Variants in CALCR observed in about 807,000 individuals in gnomAD.
CALCR encodes the protein calcitonin receptor.
A neutral mutation model predicts 59.5 loss-of-function variants in CALCR; 47 were observed. The ratio of observed to expected loss-of-function variants is 0.79; its 90% confidence interval spans 0.63 to 1.01. The LOEUF (loss-of-function observed/expected upper bound fraction) is 1.01, where lower values mean the gene tolerates loss of function less well. Ranked by LOEUF, CALCR falls within the 50% of genes least tolerant of loss-of-function variation. The pLI is 0.00. For missense variants in CALCR, 566 were observed against 597.1 expected, an observed-to-expected ratio of 0.95 and a Z score of 0.54; for synonymous variants, 213 against 211.3, an observed-to-expected ratio of 1.01 and a Z score of -0.07.
intron 2 of CALCR, among the ~76,000 whole-genome samples, chr7:93,504,218 T>C (rs1801379782): frequency 6.6e-6 from 1 of 152,188 alleles, no homozygotes; most frequent in South Asian, 2.1e-4. Context: ...ATTCTTATTG[T>C]TGTTTGGCTT....
At chr7:93,488,476 G>T (rs191986674) in intron 2 of CALCR, among the ~76,000 whole-genome samples, 2 of 148,916 alleles carry the variant, frequency 1.3e-5, no homozygotes, top group African/African-American at 2.5e-5. Flanking sequence ...TGAATAAAAA[G>T]TCAGGACCCA....
intron 2 of CALCR, among the ~76,000 whole-genome samples, chr7:93,514,819 A>G (rs890770151): frequency 6.6e-6 from 1 of 152,080 alleles, no homozygotes; most frequent in Non-Finnish European, 1.5e-5. Context: ...TATTATTCAG[A>G]GACAATAGCT....
intron 2 of CALCR, among the ~76,000 whole-genome samples, chr7:93,550,295 G>T (rs1230278620): frequency 1.3e-5 from 2 of 151,712 alleles, no homozygotes; most frequent in Non-Finnish European, 2.9e-5. Flanking sequence ...TTCGAGAGCA[G>T]CCTGGCCAAC....
intron 13 of CALCR, 101 bp downstream of exon 13, chr7:93,434,152 A>G: frequency 2.4e-6 from 2 of 830,286 alleles, no homozygotes; most frequent in East Asian, 2.4e-5. Context: ...TATGAGGTCA[A>G]CTGTAGAAGT....
intron 2 of CALCR, among the ~76,000 whole-genome samples, chr7:93,555,945 TA>T (rs1789594927): frequency 2.0e-5 from 3 of 152,018 alleles, no homozygotes; most frequent in Admixed American, 2.0e-4. Flanking sequence ...ATGAAAAGAG[TA>T]AAACTCTTCT....
chr7:93,449,345 G>A (rs1486844947), intron 8 of CALCR, among the ~76,000 whole-genome samples: 1 of 152,006 alleles, frequency 6.6e-6, no homozygotes. Flanking sequence ...TTTTAAGAGA[G>A]ACTGAATGAT....
At chr7:93,470,154 A>G (rs1800522022) in intron 6 of CALCR, among the ~76,000 whole-genome samples, 2 of 151,676 alleles carry the variant, frequency 1.3e-5, no homozygotes, top group Non-Finnish European at 1.5e-5. Context: ...TTAATAGCAC[A>G]TTTTACTCTT....
intron 2 of CALCR, among the ~76,000 whole-genome samples, chr7:93,560,575 T>C (rs1326039752): frequency 1.3e-5 from 2 of 152,110 alleles, no homozygotes; most frequent in African/African-American, 4.8e-5. Context: ...TACTATTTGT[T>C]CTAATACAAC....
chr7:93,492,198 G>T (rs1801095212), intron 2 of CALCR, among the ~76,000 whole-genome samples: 1 of 151,506 alleles, frequency 6.6e-6, no homozygotes, highest in African/African-American at 2.4e-5. Context: ...TGAACAATGA[G>T]AACACATGAA....
At chr7:93,522,297 T>C (rs1341158380) in intron 2 of CALCR, among the ~76,000 whole-genome samples, 1 of 152,166 alleles carries the variant, frequency 6.6e-6, no homozygotes, top group Non-Finnish European at 1.5e-5. Flanking sequence ...TGAAACTATT[T>C]CTCTTTTATA....
intron 8 of CALCR, among the ~76,000 whole-genome samples, chr7:93,453,508 C>G (rs1180376637): frequency 6.6e-6 from 1 of 151,898 alleles, no homozygotes; most frequent in African/African-American, 2.4e-5. Context: ...AGCAATGATC[C>G]AACATACCCT....
intron 5 of CALCR, among the ~76,000 whole-genome samples, chr7:93,473,726 T>C (rs530713395): frequency 5.9e-5 from 9 of 151,566 alleles, no homozygotes; most frequent in African/African-American, 2.2e-4. Context: ...CTAAAATATT[T>C]TGGAGGAAAA....
intron 2 of CALCR, among the ~76,000 whole-genome samples, chr7:93,519,740 C>T (rs1327276484): frequency 5.3e-5 from 8 of 151,768 alleles, no homozygotes; most frequent in Non-Finnish European, 8.8e-5. Context: ...ATCATGGGGG[C>T]GATACTCCCC....
chr7:93,524,411 C>A (rs976066485), intron 2 of CALCR, among the ~76,000 whole-genome samples: 3 of 152,012 alleles, frequency 2.0e-5, no homozygotes, highest in Non-Finnish European at 4.4e-5. Flanking sequence ...ACCTCGTGAT[C>A]CGCCCACCTC....
At chr7:93,520,421 T>TCATTAATCATTC (rs1018427809) in intron 2 of CALCR, among the ~76,000 whole-genome samples, 1 of 152,130 alleles carries the variant, frequency 6.6e-6, no homozygotes, top group Admixed American at 6.6e-5. Context: ...CACGATTTAA[T>TCATTAATCATTC]CATTAAGAGA....
intron 8 of CALCR, among the ~76,000 whole-genome samples, chr7:93,445,846 T>A (rs943994743): frequency 2.6e-5 from 4 of 152,078 alleles, no homozygotes; most frequent in African/African-American, 9.7e-5. Flanking sequence ...TTCAGTACTA[T>A]GCTTGAGGGG....
chr7:93,487,569 T>G (rs377184378), intron 2 of CALCR, among the ~76,000 whole-genome samples: 1 of 151,638 alleles, frequency 6.6e-6, no homozygotes, highest in South Asian at 2.1e-4. Context: ...GCATGTCATT[T>G]AACAGCTCAC....
At chr7:93,461,748 G>A (rs967213439) in intron 7 of CALCR, among the ~76,000 whole-genome samples, 2 of 152,102 alleles carry the variant, frequency 1.3e-5, no homozygotes, top group African/African-American at 2.4e-5. Context: ...GTGTTGGTGT[G>A]AATGTTCACA....
At chr7:93,469,092 C>G (rs1800499319) in intron 6 of CALCR, among the ~76,000 whole-genome samples, 1 of 151,746 alleles carries the variant, frequency 6.6e-6, no homozygotes, top group African/African-American at 2.4e-5. Context: ...ATTATCATCC[C>G]TAAGCCCAGT....
Sources: allele counts gnomAD v4.1 joint callset (sites outside exome capture counted in the v4.1 genomes callset), GRCh38; gene constraint gnomAD v4.1.1; transcripts MANE v1.5; gene names NCBI Gene and HGNC (gene_info 2026-07-23, HGNC 2026-07-21).